SGTB: variants seen among roughly 807,000 people sequenced by gnomAD.
SGTB encodes small glutamine rich tetratricopeptide repeat co-chaperone beta.
A neutral mutation model predicts 43.9 loss-of-function variants in SGTB; 19 were observed. That is an observed-to-expected ratio of 0.43 (90% CI 0.30 to 0.63). SGTB has a LOEUF of 0.63. Among genes scored for constraint, SGTB ranks in the 30% least tolerant of loss-of-function variants. The pLI, the probability that SGTB is intolerant of heterozygous loss-of-function variation, is 0.12. For synonymous variants in SGTB, 116 were observed against 117.3 expected (o/e 0.99, Z 0.07); for missense variants, 304 against 358.9 (o/e 0.85, Z 1.24).
intron 3 of SGTB, among the ~76,000 whole-genome samples, chr5:65,709,280 T>A (rs1757998452): frequency 6.6e-6 from 1 of 151,990 alleles, no homozygotes; most frequent in African/African-American, 2.4e-5. Context: ...TCATTTATAA[T>A]ATGATATTAT....
rs574332849 is a variant in SGTB, at chr5:65,672,387, C to T, written c.682-106G>A. 2,527 of 1,358,012 alleles carry T rather than the reference C, an allele frequency of 1.9e-3. 69 individuals carry two copies. In the South Asian group the frequency reaches 0.029, roughly 16 times the overall value. 84.1% of individuals were successfully genotyped at this position (1,358,012 alleles called of 1,614,324 possible). A position where few individuals can be genotyped will look rare whatever the true frequency, so the allele number is the denominator to read the frequency against. The stretch of plus-strand genomic sequence containing the variant: ...GAAAGCTAAATCATGTATGCACTAA[C>T]ATTTTGTAGAGTTTCAGTGTGCTAT... On this transcript the variant is annotated intron_variant, in intron 8 of 10. Coordinates refer to ENST00000381007, the MANE Select transcript of SGTB (RefSeq NM_019072.3).
intron 8 of SGTB, among the ~76,000 whole-genome samples, chr5:65,675,952 A>G (rs1283294613): frequency 2.0e-5 from 3 of 152,188 alleles, no homozygotes; most frequent in Non-Finnish European, 4.4e-5. Flanking sequence ...ATAACCAGCT[A>G]GCATCATGAT....
At position 65,722,070 on chromosome 5, in the gene SGTB, G is replaced by T. The variant is rs1258140779; in HGVS notation, c.-176C>A. The stretch of plus-strand genomic sequence containing the variant: ...CCCGGCCCCTAGGCCGTAGACCCCA[G>T]AACCCACCAGGCTGTGCTCTCTCTC... On this transcript the variant is annotated 5_prime_UTR_variant, in exon 1 of 11. In the 5' UTR this introduces an upstream ATG that the reference lacks. Coordinates refer to ENST00000381007, the MANE Select transcript of SGTB (RefSeq NM_019072.3). 6.2e-6 allele frequency: 1 copy of T among 162,250 alleles called. No individual in the cohort carries two copies. The highest frequency in any genetic ancestry group is 1.3e-5 in the Non-Finnish European group (1 of 75,366). The allele number at this position is 162,250 out of a possible 1,614,324, so 10.1% of individuals were successfully genotyped here.
rs1219816814 is a variant in SGTB at position 65,666,813 on chromosome 5, T to A, written c.*3433A>T. 1.3e-5 allele frequency: 2 copies of A among 152,180 alleles called. No individual in the cohort carries two copies. The highest frequency in any genetic ancestry group is 2.9e-5 in the Non-Finnish European group (2 of 68,008). The allele number at this position is 152,180 out of a possible 1,614,324, so 9.4% of individuals were successfully genotyped here. ...AATGGAAGAAATATACCAATTCCCA[T>A]TATTTCATGTAAAAAGAATGGCTAA... is the stretch of plus-strand genomic sequence containing the variant. On this transcript the variant is annotated 3_prime_UTR_variant, in exon 11 of 11. Transcript: ENST00000381007.
At chr5:65,715,612 A>C (rs1360746837) in intron 2 of SGTB, among the ~76,000 whole-genome samples, 1 of 152,262 alleles carries the variant, frequency 6.6e-6, no homozygotes, top group Non-Finnish European at 1.5e-5. Flanking sequence ...CACTTTTGAC[A>C]TATCAGTGAA....
chr5:65,714,268 A>G (rs1008362873), intron 2 of SGTB, among the ~76,000 whole-genome samples: 5 of 152,192 alleles, frequency 3.3e-5, no homozygotes, highest in Admixed American at 6.5e-5. Context: ...AAATTTGCCA[A>G]GTGCCTACTA....
At position 65,669,395 on chromosome 5, in the gene SGTB, G is replaced by A. The variant is rs1757110119; in HGVS notation, c.*851C>T. The A allele has an allele frequency of 6.6e-6, 1 of 152,150 alleles. No individual in the cohort carries two copies. The allele number at this position is 152,150 out of a possible 1,614,324, so 9.4% of individuals were successfully genotyped here. A position where few individuals can be genotyped will look rare whatever the true frequency, so the allele number is the denominator to read the frequency against. On this transcript the variant is annotated 3_prime_UTR_variant, in exon 11 of 11. Coordinates refer to ENST00000381007, the MANE Select transcript of SGTB (RefSeq NM_019072.3). ...ATATTTATATTTGATAGTTTCCAAG[G>A]TAAGGTTACCATTGGGGAAATTGTG...
intron 2 of SGTB, among the ~76,000 whole-genome samples, chr5:65,713,675 C>T (rs2150723792): frequency 6.6e-6 from 1 of 152,228 alleles, no homozygotes; most frequent in African/African-American, 2.4e-5. Context: ...TATAATTTCT[C>T]AATATATGTA....
intron 8 of SGTB, among the ~76,000 whole-genome samples, chr5:65,677,324 G>GGT (rs1757301365): frequency 6.8e-6 from 1 of 147,862 alleles, no homozygotes; most frequent in South Asian, 2.1e-4. Context: ...TTCTGAAATT[G>GGT]AGGCACTAAT....
intron 8 of SGTB, among the ~76,000 whole-genome samples, chr5:65,675,880 A>G (rs1236922646): frequency 6.6e-6 from 1 of 152,212 alleles, no homozygotes; most frequent in East Asian, 1.9e-4. Flanking sequence ...ACCAGCCACT[A>G]CAAAAACACA....
chr5:65,719,838 G>C (rs897919163), intron 2 of SGTB, among the ~76,000 whole-genome samples: 1 of 152,120 alleles, frequency 6.6e-6, no homozygotes, highest in Non-Finnish European at 1.5e-5. Flanking sequence ...CAGGTGAAAT[G>C]CTCCCATTTC....
intron 3 of SGTB, among the ~76,000 whole-genome samples, chr5:65,712,183 A>G (rs1343445882): frequency 1.3e-5 from 2 of 152,330 alleles, no homozygotes; most frequent in East Asian, 3.9e-4. Flanking sequence ...GGGAGAATTG[A>G]GGACTGCTTG....
chr5:65,702,089 A>G (rs187169975), intron 5 of SGTB, among the ~76,000 whole-genome samples: 10 of 152,338 alleles, frequency 6.6e-5, no homozygotes, highest in Non-Finnish European at 1.3e-4. Context: ...TTCTACTGGA[A>G]CTTCAAAATT....
At chr5:65,715,222 TTTATTCCTAA>T (rs1758126812) in intron 2 of SGTB, among the ~76,000 whole-genome samples, 2 of 152,226 alleles carry the variant, frequency 1.3e-5, no homozygotes, top group South Asian at 4.1e-4. Context: ...TCTATTCCTA[TTTATTCCTAA>T]TGAAAATAAT....
chr5:65,692,613 T>C (rs1441658407), intron 5 of SGTB, among the ~76,000 whole-genome samples: 1 of 151,850 alleles, frequency 6.6e-6, no homozygotes, highest in Non-Finnish European at 1.5e-5. Context: ...AAACAATCAA[T>C]CAAAAAAGTC....
intron 4 of SGTB, among the ~76,000 whole-genome samples, chr5:65,705,944 G>A (rs1282956134): frequency 6.6e-6 from 1 of 151,912 alleles, no homozygotes; most frequent in Non-Finnish European, 1.5e-5. Context: ...GCTGAAGTGG[G>A]AGGATTGCTT....
chr5:65,715,644 C>T (rs1303018062), intron 2 of SGTB, among the ~76,000 whole-genome samples: 5 of 152,228 alleles, frequency 3.3e-5, no homozygotes, highest in African/African-American at 1.2e-4. Flanking sequence ...AGATCCCTAA[C>T]CTCTTGGGAT....
chr5:65,703,418 T>C (rs1276673869), intron 5 of SGTB, among the ~76,000 whole-genome samples: 1 of 152,162 alleles, frequency 6.6e-6, no homozygotes, highest in East Asian at 1.9e-4. Flanking sequence ...TAAAAATGAA[T>C]AAACTGGACG....
chr5:65,722,211 CGGCGT>C, upstream of SGTB: 1 of 362,090 alleles, frequency 2.8e-6, no homozygotes. Context: ...TGGTAGGCGC[CGGCGT>C]GGAGCTGCCG....
Sources: allele counts gnomAD v4.1 joint callset (sites outside exome capture counted in the v4.1 genomes callset), GRCh38; gene constraint gnomAD v4.1.1; transcripts MANE v1.5; gene names NCBI Gene and HGNC (gene_info 2026-07-23, HGNC 2026-07-21).